The following PLEKHG5 variants were observed in gnomAD, a reference collection of about 807,000 sequenced individuals.
The protein encoded by PLEKHG5 is pleckstrin homology domain-containing family G member 5.
PLEKHG5 carries 52 observed loss-of-function variants against 103.8 expected under a neutral mutation model. The observed-to-expected ratio is 0.50, with a 90% CI of 0.40 to 0.63. The LOEUF (loss-of-function observed/expected upper bound fraction) is 0.63. Ranked by LOEUF, PLEKHG5 falls within the 30% of genes least tolerant of loss-of-function variation. The pLI, the probability that PLEKHG5 is intolerant of heterozygous loss-of-function variation, is 0.00. For missense variants in PLEKHG5, 1,205 were observed against 1,347.6 expected (o/e 0.89, Z 1.66); for synonymous variants, 592 against 575.5 (o/e 1.03, Z -0.41).
intron 1 of PLEKHG5, chr1:6,485,182 C>A: frequency 1.9e-6 from 1 of 535,356 alleles, no homozygotes. Context: ...GGGGCTCGGC[C>A]GCCATGGGCC....
At chr1:6,489,449 C>T (rs1048920125) in intron 1 of PLEKHG5, among the ~76,000 whole-genome samples, 2 of 152,224 alleles carry the variant, frequency 1.3e-5, no homozygotes, top group South Asian at 4.1e-4. Flanking sequence ...CCGCACGGGC[C>T]CTGGAAGCCA....
At chr1:6,497,285 C>A (rs1645241327), upstream of PLEKHG5, 3 of 949,134 alleles carry the variant, frequency 3.2e-6, no homozygotes, top group Admixed American at 2.1e-5. The surrounding 1 kb of genome is among the most constrained non-coding windows in gnomAD (Gnocchi z 6.1). Context: ...CCCAGGACCC[C>A]GCCCCGCGTC....
intron 1 of PLEKHG5, among the ~76,000 whole-genome samples, chr1:6,484,316 A>G (rs943585): frequency 0.25 from 37,563 of 152,106 alleles, 7,011 homozygotes; most frequent in African/African-American, 0.53. Context: ...CGACTCCTCC[A>G]GCTGCTGCCA....
At chr1:6,489,229 G>C (rs574066057) in intron 1 of PLEKHG5, among the ~76,000 whole-genome samples, 203 of 152,300 alleles carry the variant, frequency 1.3e-3, no homozygotes, top group African/African-American at 4.7e-3. Flanking sequence ...GAGACTGCAT[G>C]CATGGGCAGG....
chr1:6,506,764 G>A (rs986935946), intron 1 of PLEKHG5, among the ~76,000 whole-genome samples: 3 of 152,236 alleles, frequency 2.0e-5, no homozygotes, highest in Non-Finnish European at 2.9e-5. Context: ...CCCCCCAGCA[G>A]GGCAGGAGCT....
chr1:6,476,188 ATTG>A (rs1393266432), intron 2 of PLEKHG5, 152 bp from the exon 3 acceptor site: 4 of 718,998 alleles, frequency 5.6e-6, no homozygotes, highest in Non-Finnish European at 9.9e-6. Context: ...GGGCTCAGTC[ATTG>A]TTTTTTGTTT....
intron 12 of PLEKHG5, 192 bp downstream of exon 12, chr1:6,471,296 G>A (rs1644577178): frequency 2.6e-6 from 2 of 776,198 alleles, no homozygotes; most frequent in South Asian, 3.3e-5. Flanking sequence ...GGGATCAGGG[G>A]TAGATGGTCA....
intron 1 of PLEKHG5, among the ~76,000 whole-genome samples, chr1:6,489,237 A>G (rs2148619351): frequency 6.6e-6 from 1 of 152,082 alleles, no homozygotes; most frequent in African/African-American, 2.4e-5. Flanking sequence ...ATGCATGGGC[A>G]GGCCAGCCAG....
At chr1:6,475,376 AC>A in intron 4 of PLEKHG5, 85 bp downstream of exon 4, 2 of 1,171,664 alleles carry the variant, frequency 1.7e-6, no homozygotes, top group East Asian at 2.3e-5. Flanking sequence ...AGACCTCCCC[AC>A]CCCCATCCCG....
At position 6,468,921 on chromosome 1, in the gene PLEKHG5, C is replaced by T. The variant is rs1644479023; in HGVS notation, c.2249+121G>A. Reference sequence around the variant, plus strand: ...GGACTCTGGGGGAGACAGAGCCCCGCTCCCACAGTGTTCATGACAAGAGGC... The same window carrying T: ...GGACTCTGGGGGAGACAGAGCCCCGTTCCCACAGTGTTCATGACAAGAGGC... On this transcript the variant is annotated intron_variant, in intron 19 of 20. Transcript: ENST00000377728. 5.7e-6 allele frequency: 5 copies of T among 876,856 alleles called. 1 individual carries two copies. The highest frequency in any genetic ancestry group is 9.3e-6 in the Non-Finnish European group (5 of 535,368). 54.3% of individuals were successfully genotyped at this position (876,856 alleles called of 1,614,324 possible).
chr1:6,476,470 G>C (rs143699180), intron 2 of PLEKHG5, among the ~76,000 whole-genome samples: 9,169 of 152,244 alleles, frequency 0.06, 868 homozygotes, highest in African/African-American at 0.21. Flanking sequence ...TGGGATTACA[G>C]GTGTGAGCCA....
At chr1:6,483,207 G>A (rs1644944521) in intron 1 of PLEKHG5, among the ~76,000 whole-genome samples, 1 of 152,224 alleles carries the variant, frequency 6.6e-6, no homozygotes, top group Non-Finnish European at 1.5e-5. Context: ...GTCGGCAGGT[G>A]GCACTCCAAG....
chr1:6,481,302 G>A (rs552017366), intron 1 of PLEKHG5, among the ~76,000 whole-genome samples: 209 of 150,792 alleles, frequency 1.4e-3, no homozygotes, highest in African/African-American at 4.9e-3. Flanking sequence ...AGGCCGAGGC[G>A]GGCGGGTCAC....
At chr1:6,469,304 C>T (rs1180410742) in intron 18 of PLEKHG5, 31 bp downstream of exon 18, 3 of 1,612,944 alleles carry the variant, frequency 1.9e-6, no homozygotes, top group Admixed American at 3.3e-5. Context: ...CCTAATCTGC[C>T]TTGCCCACCC....
At chr1:6,471,379 G>C (rs915114221) in intron 12 of PLEKHG5, 109 bp downstream of exon 12, 2 of 1,288,126 alleles carry the variant, frequency 1.6e-6, no homozygotes, top group African/African-American at 1.5e-5. Flanking sequence ...GTGCGGTTAC[G>C]GGCCTGGGGG....
intron 2 of PLEKHG5, among the ~76,000 whole-genome samples, chr1:6,476,621 T>A (rs373349650): frequency 2.6e-5 from 4 of 152,190 alleles, no homozygotes; most frequent in African/African-American, 9.7e-5. Flanking sequence ...AAAATAAGGA[T>A]AAGGAAGCCT....
chr1:6,471,723 A>C lies in PLEKHG5; in HGVS notation c.1131+35T>G, dbSNP rs370169371. 2.6e-5 allele frequency: 41 copies of C among 1,598,616 alleles called. No homozygotes were observed. In the African/African-American group the frequency reaches 5.2e-4, roughly 20 times the overall value. On this transcript the variant is annotated intron_variant, in intron 11 of 20. Coordinates refer to ENST00000377728, the MANE Select transcript of PLEKHG5 (RefSeq NM_020631.6). ...TCCAGGTCCCGCCCTCCTTCCTGGTACCTCACCCGCCGCCGCCCCCGAATC... is the reference window on the plus strand; with the variant it reads ...TCCAGGTCCCGCCCTCCTTCCTGGTCCCTCACCCGCCGCCGCCCCCGAATC...
At chr1:6,508,989 C>T (rs953315370) in intron 1 of PLEKHG5, among the ~76,000 whole-genome samples, 1 of 152,206 alleles carries the variant, frequency 6.6e-6, no homozygotes, top group Non-Finnish European at 1.5e-5. Context: ...CCACCTGTAG[C>T]GCCTCTCGAA....
rs962314563 is a variant in PLEKHG5 at position 6,487,597 on chromosome 1, C to T, written c.-88+4040G>A. Among the ~76,000 whole-genome samples the T allele has an allele frequency of 5.9e-5, 9 of 152,222 alleles. No homozygotes were observed. The highest frequency in any genetic ancestry group is 3.4e-3 in the Middle Eastern group (1 of 294). ...TCTGTATTTTCTGTCTGGAATTCCA[C>T]GCACCCTATCTTGAAACAGCTGACA... On this transcript the variant is annotated intron_variant, in intron 1 of 20. Transcript: ENST00000377728. The surrounding 1 kb of genome is among the most constrained non-coding windows in gnomAD (Gnocchi z 4.1).
Sources: allele counts gnomAD v4.1 joint callset (sites outside exome capture counted in the v4.1 genomes callset), GRCh38; gene constraint gnomAD v4.1.1; non-coding constraint Gnocchi (gnomAD v3.1); transcripts MANE v1.5; gene names NCBI Gene and HGNC (gene_info 2026-07-23, HGNC 2026-07-21).